Variants in ROBO1 observed in about 807,000 individuals in gnomAD.
ROBO1 encodes roundabout homolog 1.
In ROBO1, 149 loss-of-function variants were observed where a neutral mutation model predicts 195.9. That is an observed-to-expected ratio of 0.76 (90% confidence interval 0.67 to 0.87). ROBO1 has a LOEUF of 0.87. Ranked by LOEUF, ROBO1 falls within the 40% of genes least tolerant of loss-of-function variation. The pLI, the probability that ROBO1 is intolerant of heterozygous loss-of-function variation, is 0.00. For missense variants in ROBO1, 1,933 were observed against 2,068.3 expected (o/e 0.93, Z 1.27); for synonymous variants, 816 against 733.2 (o/e 1.11, Z -1.82).
intron 2 of ROBO1, among the ~76,000 whole-genome samples, chr3:79,299,907 T>A (rs1157465372): frequency 6.6e-6 from 1 of 151,802 alleles, no homozygotes; most frequent in Non-Finnish European, 1.5e-5. Context: ...ATTCAAACTT[T>A]CAGAATATTA....
intron 4 of ROBO1, among the ~76,000 whole-genome samples, chr3:78,753,515 T>A (rs2082849050): frequency 6.6e-6 from 1 of 152,112 alleles, no homozygotes; most frequent in African/African-American, 2.4e-5. Flanking sequence ...TCAGTAAGGA[T>A]CAATTTTTTT....
At chr3:79,556,205 CTAAGT>C (rs1364117752) in intron 2 of ROBO1, among the ~76,000 whole-genome samples, 1 of 151,892 alleles carries the variant, frequency 6.6e-6, no homozygotes, top group Non-Finnish European at 1.5e-5. Flanking sequence ...TTCATCAAAT[CTAAGT>C]TATCACTATT....
intron 3 of ROBO1, among the ~76,000 whole-genome samples, chr3:79,120,936 C>A (rs1338064873): frequency 6.6e-6 from 1 of 152,088 alleles, no homozygotes; most frequent in East Asian, 1.9e-4. Context: ...ATATTTCTGA[C>A]AAATCTGACA....
chr3:78,850,477 A>G (rs1027815102), intron 4 of ROBO1, among the ~76,000 whole-genome samples: 1 of 152,252 alleles, frequency 6.6e-6, no homozygotes, highest in Non-Finnish European at 1.5e-5. Flanking sequence ...AACATAACAA[A>G]ATAATAACTT....
chr3:79,443,196 G>A (rs993679393), intron 2 of ROBO1, among the ~76,000 whole-genome samples: 1 of 152,164 alleles, frequency 6.6e-6, no homozygotes, highest in Non-Finnish European at 1.5e-5. Context: ...GAAAAATTAT[G>A]TACCTTAAAA....
chr3:79,073,437 T>C (rs2079120896), intron 3 of ROBO1, among the ~76,000 whole-genome samples: 1 of 151,846 alleles, frequency 6.6e-6, no homozygotes, highest in Admixed American at 6.6e-5. Context: ...TAATAATAAA[T>C]GAAATCTTAA....
chr3:78,961,919 A>G (rs1327911333), intron 3 of ROBO1, among the ~76,000 whole-genome samples: 2 of 150,554 alleles, frequency 1.3e-5, no homozygotes, highest in Non-Finnish European at 3.0e-5. Context: ...CTTTTCTTCT[A>G]GGCCCATGTT....
At chr3:79,076,162 A>C (rs977290017) in intron 3 of ROBO1, among the ~76,000 whole-genome samples, 1 of 149,908 alleles carries the variant, frequency 6.7e-6, no homozygotes, top group Non-Finnish European at 1.5e-5. Flanking sequence ...AGAATTGTGC[A>C]TGGACTATAC....
chr3:79,580,468 C>T (rs957950511), intron 2 of ROBO1, among the ~76,000 whole-genome samples: 6 of 151,656 alleles, frequency 4.0e-5, no homozygotes, highest in East Asian at 1.9e-4. Context: ...GGCAACAGAG[C>T]GAGACTCTGT....
At chr3:79,692,173 T>G (rs1011601392) in intron 1 of ROBO1, among the ~76,000 whole-genome samples, 1 of 151,840 alleles carries the variant, frequency 6.6e-6, no homozygotes, top group African/African-American at 2.4e-5. Context: ...GAAGGTGGAA[T>G]GTTTAGAAGA....
chr3:79,201,545 T>C (rs1176280554), intron 2 of ROBO1, among the ~76,000 whole-genome samples: 1 of 151,952 alleles, frequency 6.6e-6, no homozygotes, highest in Non-Finnish European at 1.5e-5. Context: ...ATTTTCAATT[T>C]TACACAGCGA....
chr3:78,977,051 A>T (rs2076898712), intron 3 of ROBO1, among the ~76,000 whole-genome samples: 1 of 152,172 alleles, frequency 6.6e-6, no homozygotes, highest in Non-Finnish European at 1.5e-5. Context: ...CAAAATTGGT[A>T]AAACAAAAAC....
rs369745633 is a variant in ROBO1 at position 79,614,784 on chromosome 3, A to G, written c.-50-24823T>C. ...GCATCAATTTTTCTCAAATTGATCTATGATTTCAATGCAATCCCAATTATA... is the reference window on the plus strand; with the variant it reads ...GCATCAATTTTTCTCAAATTGATCTGTGATTTCAATGCAATCCCAATTATA... On this transcript the variant is annotated intron_variant, in intron 1 of 30. Coordinates refer to ENST00000464233, the MANE Select transcript of ROBO1 (RefSeq NM_002941.4). 6.6e-5 allele frequency among the ~76,000 whole-genome samples: 10 copies of G among 150,606 alleles called. No homozygotes were observed. In the East Asian group the frequency reaches 1.4e-3, roughly 21 times the overall value.
chr3:79,705,387 C>T (rs1040283865), intron 1 of ROBO1, among the ~76,000 whole-genome samples: 1 of 150,708 alleles, frequency 6.6e-6, no homozygotes, highest in Non-Finnish European at 1.5e-5. Flanking sequence ...ATTTTGTTTT[C>T]TCATGGGGAT....
intron 1 of ROBO1, among the ~76,000 whole-genome samples, chr3:79,608,270 C>T (rs558303813): frequency 1.3e-5 from 2 of 152,050 alleles, no homozygotes; most frequent in African/African-American, 4.8e-5. Context: ...TTCAGCCCTT[C>T]TCTGATATTA....
At chr3:79,367,989 A>G (rs2036039627) in intron 2 of ROBO1, among the ~76,000 whole-genome samples, 1 of 152,058 alleles carries the variant, frequency 6.6e-6, no homozygotes, top group African/African-American at 2.4e-5. Flanking sequence ...TCACCCAGGC[A>G]GGAATGCAGT....
At chr3:78,795,189 A>C (rs940695002) in intron 4 of ROBO1, among the ~76,000 whole-genome samples, 1 of 152,186 alleles carries the variant, frequency 6.6e-6, no homozygotes, top group African/African-American at 2.4e-5. Flanking sequence ...CCAACTACAA[A>C]GTTGATCAAT....
In ROBO1 at chr3:78,725,094, A is replaced by C. The variant is rs537691597; in HGVS notation, c.658-7211T>G. 3.9e-5 allele frequency among the ~76,000 whole-genome samples: 6 copies of C among 152,322 alleles called. No homozygotes were observed. In the South Asian group the frequency reaches 1.2e-3, roughly 32 times the overall value. The stretch of plus-strand genomic sequence containing the variant: ...ATATGCTGGCATTTAGCCTATGTCA[A>C]AAATTCAAGGCAGAGGTCTTCCTTC... On this transcript the variant is annotated intron_variant, in intron 5 of 30. Transcript: ENST00000464233.
chr3:79,700,860 T>C (rs1004950762), intron 1 of ROBO1, among the ~76,000 whole-genome samples: 3 of 151,710 alleles, frequency 2.0e-5, no homozygotes, highest in African/African-American at 4.8e-5. Flanking sequence ...TTTGTTTTTA[T>C]GGCAGTTGCT....
Sources: gnomAD v4.1 joint callset for allele counts (sites outside exome capture counted in the v4.1 genomes callset) on GRCh38, gnomAD v4.1.1 for gene constraint, MANE v1.5 for transcripts, NCBI Gene and HGNC (gene_info 2026-07-23, HGNC 2026-07-21) for gene names.